ITPR1: variants seen among roughly 807,000 people sequenced by gnomAD.
ITPR1 encodes the protein inositol 1,4,5-trisphosphate-gated calcium channel ITPR1.
In ITPR1, 96 loss-of-function variants were observed where a neutral mutation model predicts 318.4. The observed-to-expected ratio is 0.30, with a 90% CI of 0.26 to 0.36. The LOEUF (loss-of-function observed/expected upper bound fraction) is 0.36, where lower values mean the gene tolerates loss of function less well. ITPR1 is among the 10% of genes least tolerant of loss of function. The pLI is 1.00. For synonymous variants in ITPR1, 1,312 were observed against 1,289.9 expected, an observed-to-expected ratio of 1.02 and a Z score of -0.37; for missense variants, 2,440 against 3,460.2, an observed-to-expected ratio of 0.71 and a Z score of 7.40.
chr3:4,794,890 C>A (rs2047799146), intron 52 of ITPR1, 175 bp from the exon 53 acceptor site: 1 of 642,604 alleles, frequency 1.6e-6, no homozygotes, highest in South Asian at 2.9e-5. Flanking sequence ...AGAAATAAAC[C>A]AATCTGATGT....
chr3:4,821,239 A>G (rs2049696344), intron 60 of ITPR1, among the ~76,000 whole-genome samples: 1 of 152,208 alleles, frequency 6.6e-6, no homozygotes, highest in Non-Finnish European at 1.5e-5. Flanking sequence ...GTCCTCAGGA[A>G]AAATACCTCT....
At chr3:4,712,646 T>C (rs2041466713) in intron 39 of ITPR1, among the ~76,000 whole-genome samples, 1 of 152,246 alleles carries the variant, frequency 6.6e-6, no homozygotes, top group African/African-American at 2.4e-5. Context: ...ATTTTTCAGC[T>C]CTAGGAAGAA....
In ITPR1 at chr3:4,628,938, C is replaced by T. The variant is rs1051925130; in HGVS notation, c.279+1060C>T. Among the ~76,000 whole-genome samples the T allele has an allele frequency of 3.9e-5, 6 of 152,244 alleles. 1 individual carries two copies. The highest frequency in any genetic ancestry group is 4.8e-5 in the African/African-American group (2 of 41,470). ...CAGCGTATGGCTAAGTCACAGCCAG[C>T]TGCATTTGGTCAGGTGAGGGTCACG... On this transcript the variant is annotated intron_variant, in intron 5 of 61. Coordinates refer to ENST00000649015, the MANE Select transcript of ITPR1 (RefSeq NM_001378452.1).
At chr3:4,697,062 C>G in intron 33 of ITPR1, 85 bp from the exon 34 acceptor site, 1 of 1,225,406 alleles carries the variant, frequency 8.2e-7, no homozygotes, top group Non-Finnish European at 1.2e-6. Flanking sequence ...CCATTTTCAT[C>G]GGTCCTTGCT....
intron 4 of ITPR1, among the ~76,000 whole-genome samples, chr3:4,524,313 T>G (rs1051580972): frequency 1.0e-4 from 15 of 150,322 alleles, no homozygotes; most frequent in African/African-American, 3.2e-4. Flanking sequence ...TTTTTTTTTT[T>G]TTTTTTTTTT....
At position 4,836,762 on chromosome 3, in the gene ITPR1, T is replaced by C; in HGVS notation, c.8029-12T>C. 7.7e-7 allele frequency: 1 copy of C among 1,293,364 alleles called. No homozygotes were observed. Among genetic ancestry groups the C allele is most frequent in the Non-Finnish European group, 1.0e-6 (1 of 1,003,260 alleles). The allele number at this position is 1,293,364 out of a possible 1,614,324, so 80.1% of individuals were successfully genotyped here. On this transcript the variant is annotated splice_polypyrimidine_tract_variant and intron_variant, in intron 60 of 61. Transcript: ENST00000649015. ...TTTTTTTTTTTTTTTTTTTTTTTAA[T>C]GTGGATTCTAGGAAAGAAACCTTGA...
chr3:4,664,355 A>T (rs1481507524), intron 16 of ITPR1, among the ~76,000 whole-genome samples: 2 of 152,236 alleles, frequency 1.3e-5, no homozygotes, highest in Middle Eastern at 3.2e-3. Context: ...GATGCATACC[A>T]TGTCCTTCTG....
chr3:4,770,068 T>C (rs1350330342), intron 46 of ITPR1, among the ~76,000 whole-genome samples: 1 of 152,152 alleles, frequency 6.6e-6, no homozygotes, highest in Non-Finnish European at 1.5e-5. Flanking sequence ...GAATGTTTCC[T>C]CCTAAGACAC....
In ITPR1 at chr3:4,685,105, A is replaced by G. The variant is rs367882836; in HGVS notation, c.3601A>G (p.Ser1201Gly). 2 of 1,611,110 alleles carry G rather than the reference A, an allele frequency of 1.2e-6. No homozygotes were observed. Among genetic ancestry groups the G allele is most frequent in the African/African-American group, 2.7e-5 (2 of 74,888 alleles). Reference protein sequence around the residue: ...IRLSKLCVQESASVRKSRKQQ... With the variant: ...IRLSKLCVQEGASVRKSRKQQ... ...GCTTAGCAAACTCTGTGTTCAAGAG[A>G]GTGCCTCAGTGAGAAAGAGCAGGAA... The change falls in exon 30 of 62, where the codon AGT becomes GGT. Residue 1201 changes from serine to glycine, a missense_variant. Ser to Gly is a moderately conservative substitution (Grantham distance 56). Transcript: ENST00000649015.
chr3:4,689,724 T>G (rs571872144), intron 31 of ITPR1, among the ~76,000 whole-genome samples: 1 of 152,282 alleles, frequency 6.6e-6, no homozygotes, highest in South Asian at 2.1e-4. Flanking sequence ...AAAATAAGCC[T>G]TCTAGAAGGT....
At chr3:4,619,015 CTTG>C (rs1285273002) in intron 4 of ITPR1, among the ~76,000 whole-genome samples, 3 of 152,146 alleles carry the variant, frequency 2.0e-5, no homozygotes, top group Non-Finnish European at 2.9e-5. Flanking sequence ...ACTTTCATAC[CTTG>C]TTGTTATTTC....
At position 4,690,964 on chromosome 3, in the gene ITPR1, A is replaced by C. The variant is rs150752223; in HGVS notation, c.3829-180A>C. On this transcript the variant is annotated intron_variant, in intron 31 of 61. Transcript: ENST00000649015. ...TTTCTGTATGTTTATTTATATGTCA[A>C]TGAAAAAAGCTTACTAAAAAAGAAG... 3.4e-3 allele frequency among the ~76,000 whole-genome samples: 518 copies of C among 152,070 alleles called. 5 individuals are homozygous for C. Among genetic ancestry groups the C allele is most frequent in the Middle Eastern group, 0.014 (4 of 294 alleles).
intron 2 of ITPR1, among the ~76,000 whole-genome samples, chr3:4,507,709 G>C (rs1050737497): frequency 6.6e-6 from 1 of 152,198 alleles, no homozygotes; most frequent in African/African-American, 2.4e-5. Flanking sequence ...GCAGCTTCAA[G>C]TGTAACTTCC....
intron 44 of ITPR1, among the ~76,000 whole-genome samples, chr3:4,742,461 C>G (rs1056248793): frequency 1.3e-5 from 2 of 152,088 alleles, no homozygotes; most frequent in African/African-American, 2.4e-5. Flanking sequence ...CTGGCGAAGT[C>G]CACCTCACTC....
intron 4 of ITPR1, among the ~76,000 whole-genome samples, chr3:4,581,444 G>C (rs999480915): frequency 6.6e-5 from 10 of 152,156 alleles, no homozygotes; most frequent in Non-Finnish European, 4.4e-5. Flanking sequence ...TTTTACATCA[G>C]TTTTAGGTGG....
chr3:4,674,444 A>G (rs2094145980), intron 22 of ITPR1, 101 bp downstream of exon 22: 2 of 1,013,282 alleles, frequency 2.0e-6, no homozygotes, highest in Non-Finnish European at 1.4e-6. Flanking sequence ...GATTTTGGTC[A>G]TGATGCTCTG....
chr3:4,794,696 A>T (rs375117300), intron 52 of ITPR1, among the ~76,000 whole-genome samples: 10 of 151,830 alleles, frequency 6.6e-5, no homozygotes, highest in East Asian at 5.8e-4. Context: ...CGGGCATCTC[A>T]TCTGGTCCCA....
At position 4,540,606 on chromosome 3, in the gene ITPR1, G is replaced by A. The variant is rs117039785; in HGVS notation, c.163+19512G>A. 1.4e-3 allele frequency among the ~76,000 whole-genome samples: 210 copies of A among 152,160 alleles called. 3 individuals carry two copies. In the East Asian group the frequency reaches 0.031, roughly 23 times the overall value. On this transcript the variant is annotated intron_variant, in intron 4 of 61. Transcript: ENST00000649015. ...TGTGTGTGTGCACGTGTGTGTGTTT[G>A]AGACAGGGTCTCACTCTGTCACACA...
intron 4 of ITPR1, among the ~76,000 whole-genome samples, chr3:4,587,226 G>A (rs1326686615): frequency 1.3e-5 from 2 of 150,584 alleles, no homozygotes; most frequent in African/African-American, 4.9e-5. Flanking sequence ...TGCATTTCTA[G>A]CAAGCACCCA....
Sources: gnomAD v4.1 joint callset for allele counts (sites outside exome capture counted in the v4.1 genomes callset) on GRCh38, gnomAD v4.1.1 for gene constraint, MANE v1.5 for transcripts, NCBI Gene and HGNC (gene_info 2026-07-23, HGNC 2026-07-21) for gene names.